FLNB: variants seen among roughly 807,000 people sequenced by gnomAD.
FLNB encodes filamin B.
A neutral mutation model predicts 250.6 loss-of-function variants in FLNB; 111 were observed. The observed-to-expected ratio is 0.44, with a 90% CI of 0.38 to 0.52. The LOEUF (loss-of-function observed/expected upper bound fraction) is 0.52, where lower values mean the gene tolerates loss of function less well. Ranked by LOEUF, FLNB falls within the 20% of genes least tolerant of loss-of-function variation. The probability of loss-of-function intolerance (pLI) is 0.00; values close to 1 mark genes in which losing one functional copy is unlikely to be tolerated. For missense variants in FLNB, 2,869 were observed against 3,447.8 expected, an observed-to-expected ratio of 0.83 and a Z score of 4.20; for synonymous variants, 1,302 against 1,372.1, an observed-to-expected ratio of 0.95 and a Z score of 1.13.
chr3:58,162,712 C>G (rs2097363763), intron 42 of FLNB: 1 of 230,370 alleles, frequency 4.3e-6, no homozygotes, highest in Non-Finnish European at 8.7e-6. Context: ...GCTGAGTAAG[C>G]CGCTGCGGAG....
rs938910902 is a variant in FLNB at position 58,031,837 on chromosome 3, C to G, written c.292+22981C>G. On this transcript the variant is annotated intron_variant, in intron 1 of 45. Transcript: ENST00000295956. The stretch of plus-strand genomic sequence containing the variant: ...GGGACTATAGACGTGAACCACTGCA[C>G]CCCCATCCAAAAGTGTCATTTTAAT... 3.9e-5 allele frequency among the ~76,000 whole-genome samples: 6 copies of G among 152,094 alleles called. No homozygotes were observed. In the South Asian group the frequency reaches 1.2e-3, roughly 32 times the overall value.
chr3:58,048,393 G>A (rs7647150), intron 1 of FLNB, among the ~76,000 whole-genome samples: 1,647 of 152,304 alleles, frequency 0.011, 26 homozygotes, highest in African/African-American at 0.037. Context: ...CCAGCATCCC[G>A]GTGATGCCAG....
In FLNB at chr3:58,171,333, G is replaced by C. The variant is rs1253097106; in HGVS notation, c.*571G>C. On this transcript the variant is annotated 3_prime_UTR_variant, in exon 46 of 46. Transcript: ENST00000295956. The surrounding 1 kb of genome is among the most constrained non-coding windows in gnomAD (Gnocchi z 5.5). Reference sequence around the variant, plus strand: ...GCCTTCTTACACTTCTCAGAGGGCAGAGTGGCAGCCGGGCACCCTACAGAA... The same window carrying C: ...GCCTTCTTACACTTCTCAGAGGGCACAGTGGCAGCCGGGCACCCTACAGAA... The C allele has an allele frequency of 6.4e-6, 1 of 156,534 alleles. No homozygotes were observed. Among genetic ancestry groups the C allele is most frequent in the East Asian group, 1.9e-4 (1 of 5,320 alleles). The allele number at this position is 156,534 out of a possible 1,614,324, so 9.7% of individuals were successfully genotyped here.
chr3:58,090,838 G>A (rs7632156), intron 4 of FLNB, among the ~76,000 whole-genome samples: 54,427 of 151,898 alleles, frequency 0.36, 11,552 homozygotes, highest in East Asian at 0.92. Context: ...TTGGGAGGCC[G>A]AGGTGGGCGA....
In FLNB at chr3:58,063,613, G is replaced by A. The variant is rs187350810; in HGVS notation, c.293-13433G>A. ...TTCTGTGGTGATGGTCAGAGCCAGC[G>A]GTTATAAATTATTTGGAATTTTCCT... is the stretch of plus-strand genomic sequence containing the variant. On this transcript the variant is annotated intron_variant, in intron 1 of 45. Coordinates refer to ENST00000295956, the MANE Select transcript of FLNB (RefSeq NM_001457.4). Among the ~76,000 whole-genome samples, 22 of 152,244 alleles carry A rather than the reference G, an allele frequency of 1.4e-4. No individual in the cohort carries two copies. The East Asian group carries it at 2.1e-3, about 15-fold the overall frequency.
chr3:58,045,384 G>T (rs1034334605), intron 1 of FLNB, among the ~76,000 whole-genome samples: 1 of 152,186 alleles, frequency 6.6e-6, no homozygotes, highest in Non-Finnish European at 1.5e-5. Flanking sequence ...CCCACAGACT[G>T]CAGGCTGTAG....
intron 19 of FLNB, 39 bp downstream of exon 19, chr3:58,119,028 C>A: frequency 7.1e-7 from 1 of 1,399,564 alleles, no homozygotes; most frequent in Non-Finnish European, 1.0e-6. Context: ...TTGTTGATGA[C>A]CCCCCAACGT....
intron 1 of FLNB, among the ~76,000 whole-genome samples, chr3:58,034,380 G>C (rs1277985343): frequency 1.3e-5 from 2 of 151,722 alleles, no homozygotes; most frequent in African/African-American, 2.4e-5. Context: ...GCCACAAAAA[G>C]GTTCTGTTTT....
At chr3:58,043,058 T>C (rs1253565045) in intron 1 of FLNB, among the ~76,000 whole-genome samples, 1 of 152,038 alleles carries the variant, frequency 6.6e-6, no homozygotes, top group Non-Finnish European at 1.5e-5. Flanking sequence ...GAGTTTTGTC[T>C]GCATTATTGG....
In FLNB at chr3:58,138,576, G is replaced by A. The variant is rs1346125059; in HGVS notation, c.5109+47G>A. ...GAGCATGCTGTTATTGGTGGAAACT[G>A]TAACAGCTGCCGTTTGTTGAACCCT... On this transcript the variant is annotated intron_variant, in intron 29 of 45. Coordinates refer to ENST00000295956, the MANE Select transcript of FLNB (RefSeq NM_001457.4). 7 of 1,610,434 alleles carry A rather than the reference G, an allele frequency of 4.3e-6. No individual in the cohort carries two copies. The African/African-American group carries it at 5.3e-5, about 12-fold the overall frequency.
At chr3:58,059,036 C>T (rs1296913039) in intron 1 of FLNB, among the ~76,000 whole-genome samples, 9 of 152,208 alleles carry the variant, frequency 5.9e-5, no homozygotes, top group Non-Finnish European at 1.3e-4. Context: ...GTAGCCCTCT[C>T]TTTGAGATTG....
intron 21 of FLNB, among the ~76,000 whole-genome samples, chr3:58,124,106 G>A (rs752609207): frequency 6.6e-6 from 1 of 152,184 alleles, no homozygotes; most frequent in Admixed American, 6.5e-5. Context: ...ACCTGTCCTC[G>A]AGCCCGGTGT....
chr3:58,065,424 C>T (rs1308209556), intron 1 of FLNB, among the ~76,000 whole-genome samples: 1 of 152,356 alleles, frequency 6.6e-6, no homozygotes, highest in Admixed American at 6.5e-5. Context: ...GCTTTGATAA[C>T]AGAGAGAAGT....
intron 22 of FLNB, 133 bp from the exon 23 acceptor site, chr3:58,125,448 T>C: frequency 9.1e-7 from 1 of 1,096,100 alleles, no homozygotes; most frequent in East Asian, 2.5e-5. Flanking sequence ...ACTGTGTTTT[T>C]AACCCCCTTT....
chr3:58,043,033 T>C (rs1393805421), intron 1 of FLNB, among the ~76,000 whole-genome samples: 1 of 152,120 alleles, frequency 6.6e-6, no homozygotes, highest in African/African-American at 2.4e-5. Flanking sequence ...TGAGGAGGAA[T>C]TGGGAAATTT....
chr3:58,137,589 T>A (rs1044577197), intron 28 of FLNB, among the ~76,000 whole-genome samples: 1 of 152,216 alleles, frequency 6.6e-6, no homozygotes, highest in Non-Finnish European at 1.5e-5. Flanking sequence ...TATCTACCAA[T>A]GTGCTTTTAG....
intron 1 of FLNB, among the ~76,000 whole-genome samples, chr3:58,035,712 G>C (rs903592065): frequency 4.6e-5 from 7 of 152,184 alleles, no homozygotes; most frequent in Non-Finnish European, 8.8e-5. Context: ...TGTGATTCCA[G>C]ATTGGAAGGT....
intron 24 of FLNB, 72 bp downstream of exon 24, chr3:58,126,834 C>A: frequency 1.5e-6 from 2 of 1,373,818 alleles, no homozygotes; most frequent in Non-Finnish European, 2.0e-6. Context: ...TTTTGGTTAT[C>A]TCTCTGAGTG....
chr3:58,148,574 A>G (rs2097339752), intron 35 of FLNB, 75 bp from the exon 36 acceptor site: 1 of 1,366,996 alleles, frequency 7.3e-7, no homozygotes, highest in Non-Finnish European at 1.0e-6. Flanking sequence ...ACATATTTCT[A>G]TTTCTGAGAG....
Sources: gnomAD v4.1 joint callset for allele counts (sites outside exome capture counted in the v4.1 genomes callset) on GRCh38, gnomAD v4.1.1 for gene constraint, Gnocchi (gnomAD v3.1) non-coding constraint, MANE v1.5 for transcripts, NCBI Gene and HGNC (gene_info 2026-07-23, HGNC 2026-07-21) for gene names.